LRIF1: variants seen among roughly 807,000 people sequenced by gnomAD.
LRIF1 encodes ligand dependent nuclear receptor interacting factor 1.
In LRIF1, 32 loss-of-function variants were observed where a neutral mutation model predicts 52.7. The observed-to-expected ratio is 0.61, with a 90% confidence interval of 0.46 to 0.82. LRIF1 has a LOEUF of 0.82. Ranked by LOEUF, LRIF1 falls within the 40% of genes least tolerant of loss-of-function variation. LRIF1 has a pLI of 0.00. For synonymous variants in LRIF1, 323 were observed against 317.4 expected, an observed-to-expected ratio of 1.02 and a Z score of -0.19; for missense variants, 887 against 892.0, an observed-to-expected ratio of 0.99 and a Z score of 0.07.
the LRIF1 span, among the ~76,000 whole-genome samples, chr1:110,879,833 G>T: frequency 6.6e-6 from 1 of 152,062 alleles, no homozygotes; most frequent in East Asian, 1.9e-4. Flanking sequence ...TTCCCAAATG[G>T]CTGGGATTAC....
chr1:110,962,369 A>G (rs1459401997), intron 1 of LRIF1, among the ~76,000 whole-genome samples: 2 of 152,132 alleles, frequency 1.3e-5, no homozygotes, highest in Non-Finnish European at 2.9e-5. Flanking sequence ...TTTGAAATAC[A>G]ATGGTTCTAT....
the LRIF1 span, chr1:110,892,445 T>C: frequency 4.3e-6 from 7 of 1,613,974 alleles, no homozygotes; most frequent in East Asian, 1.6e-4. Flanking sequence ...CTGGGCAATG[T>C]GTTTGTCATC....
chr1:110,904,339 G>C, the LRIF1 span, among the ~76,000 whole-genome samples: 10 of 152,286 alleles, frequency 6.6e-5, no homozygotes, highest in South Asian at 2.1e-3. Flanking sequence ...GTGCTGTGCT[G>C]GCTTGAGGTA....
chr1:110,934,553 A>G, the LRIF1 span, among the ~76,000 whole-genome samples: 5 of 152,210 alleles, frequency 3.3e-5, no homozygotes, highest in Non-Finnish European at 1.5e-5. Flanking sequence ...GAGGTCCTCC[A>G]GCAGTACTCT....
rs372755043 is a variant in LRIF1 at position 110,963,631 on chromosome 1, C to G, written c.58G>C (p.Ala20Pro). The G allele has an allele frequency of 8.7e-6, 14 of 1,609,210 alleles. No individual in the cohort carries two copies. Among genetic ancestry groups the G allele is most frequent in the Non-Finnish European group, 1.2e-5 (14 of 1,176,224 alleles). The change falls in exon 1 of 4, where the codon GCC becomes CCC. Residue 20 changes from alanine (A) to proline (P), a missense_variant. By Grantham distance (27) the Ala-to-Pro change is conservative. Transcript: ENST00000369763. ...LKPAEENSGN[A>P]SRCVSGCMYQ... ...GAAACCGGTACTTACCAACGCGAGG[C>G]GTTGCCTGAATTTTCCTCTGCGGGT... is the stretch of plus-strand genomic sequence containing the variant.
chr1:110,961,237 G>A (rs1205381427), intron 1 of LRIF1, among the ~76,000 whole-genome samples: 1 of 151,910 alleles, frequency 6.6e-6, no homozygotes, highest in African/African-American at 2.4e-5. Context: ...TGACTGTAAG[G>A]TTTTCCCTGG....
the LRIF1 span, among the ~76,000 whole-genome samples, chr1:110,886,865 A>ATTT: frequency 4.2e-3 from 186 of 44,350 alleles, 1 homozygote; most frequent in Non-Finnish European, 6.9e-3. Context: ...ATATATATAT[A>ATTT]TATATTTTTT....
intron 1 of LRIF1, among the ~76,000 whole-genome samples, chr1:110,953,478 T>C (rs184814016): frequency 8.5e-4 from 129 of 152,350 alleles, no homozygotes; most frequent in Middle Eastern, 3.4e-3. Flanking sequence ...CAATCACCTA[T>C]CAACCCATAC....
chr1:110,937,510 T>C, the LRIF1 span: 1 of 151,974 alleles, frequency 6.6e-6, no homozygotes, highest in Non-Finnish European at 1.5e-5. Context: ...AAAAAGGAAA[T>C]TGAAAAATTT....
chr1:110,889,972 A>T, the LRIF1 span, among the ~76,000 whole-genome samples: 1 of 152,226 alleles, frequency 6.6e-6, no homozygotes, highest in East Asian at 1.9e-4. Context: ...AAGGAAAAGG[A>T]TATGAGATAG....
chr1:110,883,591 T>G, the LRIF1 span, among the ~76,000 whole-genome samples: 2 of 152,004 alleles, frequency 1.3e-5, no homozygotes, highest in Non-Finnish European at 2.9e-5. Flanking sequence ...CCTCCTTTTC[T>G]ATTTTCTGGA....
chr1:110,933,656 A>C, the LRIF1 span, among the ~76,000 whole-genome samples: 89 of 152,274 alleles, frequency 5.8e-4, no homozygotes, highest in African/African-American at 2.1e-3. Flanking sequence ...CCCTAGCCAG[A>C]GGGGAATCAC....
chr1:110,951,056 C>A lies in LRIF1; in HGVS notation c.1596+232G>T, dbSNP rs192652404. Among the ~76,000 whole-genome samples the A allele has an allele frequency of 2.7e-3, 413 of 152,170 alleles. 1 individual carries two copies. The highest frequency in any genetic ancestry group is 6.1e-3 in the Admixed American group (93 of 15,304). ...TTTTTTGTTTTAAAGATTTGGCATG[C>A]CAAGTGATTCAAGAGAAAGACTGTA... On this transcript the variant is annotated intron_variant, in intron 2 of 3. Transcript: ENST00000369763.
the LRIF1 span, among the ~76,000 whole-genome samples, chr1:110,914,906 C>T: frequency 2.6e-5 from 4 of 152,166 alleles, no homozygotes; most frequent in African/African-American, 9.7e-5. Flanking sequence ...TATGTCATTA[C>T]ATAGTAGAAT....
chr1:110,888,912 T>G, the LRIF1 span, among the ~76,000 whole-genome samples: 41 of 152,300 alleles, frequency 2.7e-4, no homozygotes, highest in African/African-American at 9.6e-4. Flanking sequence ...TGTTTCAGCT[T>G]TTATGTCCTC....
the LRIF1 span, among the ~76,000 whole-genome samples, chr1:110,924,984 A>G: frequency 1.3e-5 from 2 of 152,236 alleles, no homozygotes; most frequent in South Asian, 2.1e-4. Context: ...TAATTTTAAC[A>G]TTCACTAATT....
the LRIF1 span, chr1:110,897,746 A>G: frequency 1.0e-6 from 1 of 1,002,852 alleles, no homozygotes; most frequent in East Asian, 2.4e-5. Context: ...TATCTTCCAA[A>G]TACTTCCTCT....
chr1:110,918,406 A>G, the LRIF1 span, among the ~76,000 whole-genome samples: 1 of 152,344 alleles, frequency 6.6e-6, no homozygotes, highest in African/African-American at 2.4e-5. Flanking sequence ...ACTAATAGAC[A>G]AAACATTTAA....
At chr1:110,891,435 G>T in the LRIF1 span, 2 of 1,613,832 alleles carry the variant, frequency 1.2e-6, no homozygotes, top group East Asian at 4.5e-5. Flanking sequence ...TGAAACTGCT[G>T]AAGTATGTCC....
Sources: gnomAD v4.1 joint callset for allele counts (sites outside exome capture counted in the v4.1 genomes callset) on GRCh38, gnomAD v4.1.1 for gene constraint, MANE v1.5 for transcripts, NCBI Gene and HGNC (gene_info 2026-07-23, HGNC 2026-07-21) for gene names.